SORCS3: variants seen among roughly 807,000 people sequenced by gnomAD.
SORCS3 encodes the protein VPS10 domain-containing receptor SorCS3.
SORCS3 carries 57 observed loss-of-function variants against 146.3 expected under a neutral mutation model. The ratio of observed to expected loss-of-function variants is 0.39; its 90% confidence interval spans 0.31 to 0.49. The LOEUF (loss-of-function observed/expected upper bound fraction) is 0.49. Among genes scored for constraint, SORCS3 ranks in the 20% least tolerant of loss-of-function variants. The pLI, the probability that SORCS3 is intolerant of heterozygous loss-of-function variation, is 0.92. For missense variants in SORCS3, 1,341 were observed against 1,575.5 expected (o/e 0.85, Z 2.52); for synonymous variants, 653 against 618.5 (o/e 1.06, Z -0.83).
At chr10:105,257,761 T>G (rs968345483) in intron 25 of SORCS3, among the ~76,000 whole-genome samples, 1 of 152,192 alleles carries the variant, frequency 6.6e-6, no homozygotes, top group Non-Finnish European at 1.5e-5. Flanking sequence ...AATGTCATAG[T>G]GTGTGTAGGT....
At chr10:105,163,130 G>A (rs2056280898) in intron 11 of SORCS3, among the ~76,000 whole-genome samples, 1 of 152,030 alleles carries the variant, frequency 6.6e-6, no homozygotes, top group Non-Finnish European at 1.5e-5. Context: ...CTGAGCCCAG[G>A]GGTTATTTTT....
At chr10:105,260,602 G>A (rs1376622294) in intron 25 of SORCS3, among the ~76,000 whole-genome samples, 6 of 152,144 alleles carry the variant, frequency 3.9e-5, no homozygotes, top group Non-Finnish European at 8.8e-5. Flanking sequence ...ATAATTAGAA[G>A]CAACTAAGTG....
intron 1 of SORCS3, among the ~76,000 whole-genome samples, chr10:104,728,207 C>T (rs2016664967): frequency 6.6e-6 from 1 of 152,002 alleles, no homozygotes; most frequent in Non-Finnish European, 1.5e-5. Flanking sequence ...TGTTCCATCC[C>T]TCATTATTTC....
intron 4 of SORCS3, among the ~76,000 whole-genome samples, chr10:104,981,649 T>C (rs774068394): frequency 6.6e-6 from 1 of 152,192 alleles, no homozygotes; most frequent in Non-Finnish European, 1.5e-5. Flanking sequence ...ATAGCTGCTG[T>C]TCTCATTGCT....
At position 105,167,266 on chromosome 10, in the gene SORCS3, T is replaced by G; in HGVS notation, c.1818T>G (p.Asp606Glu). The G allele has an allele frequency of 6.2e-7, 1 of 1,612,358 alleles. No individual in the cohort carries two copies. Among genetic ancestry groups the G allele is most frequent in the East Asian group, 2.2e-5 (1 of 44,842 alleles). The change falls in exon 13 of 27, where the codon GAT becomes GAG. Residue 606 changes from aspartate to glutamate, a missense_variant. Transcript: ENST00000369701. ...TGTTGTTGTTGTTCCAGATCTTTGA[T>G]GAAGAGTACAATGTCTGGTTCCTAG... ...DGGNTWRQIFDEEYNVWFLDW... is the reference protein window; with the variant it reads ...DGGNTWRQIFEEEYNVWFLDW...
intron 1 of SORCS3, among the ~76,000 whole-genome samples, chr10:104,772,768 TTTCCTGGAAGCCTTTTCTGATCA>T (rs983818150): frequency 1.3e-5 from 2 of 152,332 alleles, no homozygotes; most frequent in Admixed American, 1.3e-4. Context: ...ATTCTCACCT[TTTCCTGGAAGCCTTTTCTGATCA>T]TTCCTGGCCT....
chr10:105,051,064 A>G (rs1237939615), intron 5 of SORCS3, among the ~76,000 whole-genome samples: 5 of 152,100 alleles, frequency 3.3e-5, no homozygotes, highest in Admixed American at 6.6e-5. Flanking sequence ...ACTTAATATC[A>G]TGAGATTGCC....
At chr10:105,018,940 A>G (rs920657116) in intron 4 of SORCS3, among the ~76,000 whole-genome samples, 1 of 152,072 alleles carries the variant, frequency 6.6e-6, no homozygotes, top group African/African-American at 2.4e-5. Context: ...TCAATGCTCC[A>G]TCCATTCTTC....
intron 1 of SORCS3, among the ~76,000 whole-genome samples, chr10:104,795,537 T>A (rs1021932031): frequency 2.6e-5 from 4 of 152,246 alleles, no homozygotes; most frequent in Non-Finnish European, 5.9e-5. Context: ...CCTACAAGAA[T>A]GTATTGTGGG....
chr10:104,855,684 A>C (rs1049489417), intron 2 of SORCS3, among the ~76,000 whole-genome samples: 1 of 151,888 alleles, frequency 6.6e-6, no homozygotes, highest in African/African-American at 2.4e-5. Flanking sequence ...TTTCCCCAAG[A>C]CCTTGCTCAA....
At chr10:104,861,601 A>G (rs2018403901) in intron 2 of SORCS3, among the ~76,000 whole-genome samples, 1 of 152,058 alleles carries the variant, frequency 6.6e-6, no homozygotes, top group Admixed American at 6.5e-5. Flanking sequence ...ACCTCCCCCG[A>G]GCCTACTTCT....
intron 5 of SORCS3, among the ~76,000 whole-genome samples, chr10:105,060,505 C>G (rs957277868): frequency 1.3e-5 from 2 of 152,044 alleles, no homozygotes; most frequent in South Asian, 2.1e-4. Flanking sequence ...ATTTTTACAG[C>G]AGGGTGAAGG....
chr10:105,196,283 T>A (rs1433224442), intron 14 of SORCS3, among the ~76,000 whole-genome samples: 1 of 152,216 alleles, frequency 6.6e-6, no homozygotes, highest in Admixed American at 6.5e-5. Context: ...CTCTTGTTCC[T>A]GTTGTTAGAA....
intron 1 of SORCS3, among the ~76,000 whole-genome samples, chr10:104,688,695 C>T (rs972187418): frequency 2.0e-5 from 3 of 152,184 alleles, no homozygotes; most frequent in African/African-American, 7.2e-5. Context: ...TTCACCCTCT[C>T]TCTCAGATTC....
intron 1 of SORCS3, among the ~76,000 whole-genome samples, chr10:104,791,198 C>T (rs889450452): frequency 7.2e-5 from 11 of 152,094 alleles, no homozygotes; most frequent in Admixed American, 6.6e-4. Flanking sequence ...CTAGAAAAGC[C>T]GAGGAGGGGG....
chr10:105,247,114 A>C (rs2056870942), intron 21 of SORCS3, 105 bp from the exon 22 acceptor site: 1 of 513,970 alleles, frequency 1.9e-6, no homozygotes, highest in South Asian at 3.7e-5. Context: ...CTGGTGAAAG[A>C]GTAGACCTTT....
intron 1 of SORCS3, among the ~76,000 whole-genome samples, chr10:104,727,088 T>C (rs2016644802): frequency 6.6e-6 from 1 of 152,228 alleles, no homozygotes; most frequent in South Asian, 2.1e-4. Flanking sequence ...TGAACTGTAA[T>C]TAATTTGAGG....
intron 6 of SORCS3, among the ~76,000 whole-genome samples, chr10:105,094,320 C>T (rs926871528): frequency 6.6e-6 from 1 of 152,096 alleles, no homozygotes; most frequent in African/African-American, 2.4e-5. Context: ...ACTTACAGAA[C>T]TCTATGCCAA....
intron 24 of SORCS3, among the ~76,000 whole-genome samples, chr10:105,256,055 T>G (rs2056929598): frequency 6.6e-6 from 1 of 152,242 alleles, no homozygotes; most frequent in African/African-American, 2.4e-5. Flanking sequence ...TACAATTTAC[T>G]TGGGTCTTAA....
Sources: allele counts gnomAD v4.1 joint callset (sites outside exome capture counted in the v4.1 genomes callset), GRCh38; gene constraint gnomAD v4.1.1; transcripts MANE v1.5; gene names NCBI Gene and HGNC (gene_info 2026-07-23, HGNC 2026-07-21).